The following MGAT4C variants were observed in gnomAD, a reference collection of about 807,000 sequenced individuals.
MGAT4C encodes the protein alpha-1,3-mannosyl-glycoprotein 4-beta-N-acetylglucosaminyltransferase C.
In MGAT4C, 19 loss-of-function variants were observed where a neutral mutation model predicts 40.1. The observed-to-expected ratio is 0.47, with a 90% CI of 0.33 to 0.70. The LOEUF is 0.70. MGAT4C is among the 30% of genes least tolerant of loss of function. The probability of loss-of-function intolerance (pLI) is 0.02; values close to 1 mark genes in which losing one functional copy is unlikely to be tolerated. For synonymous variants in MGAT4C, 181 were observed against 187.1 expected (o/e 0.97, Z 0.27); for missense variants, 491 against 563.2 (o/e 0.87, Z 1.30).
At chr12:86,112,168 G>T (rs1284362295) in intron 1 of MGAT4C, among the ~76,000 whole-genome samples, 1 of 151,620 alleles carries the variant, frequency 6.6e-6, no homozygotes, top group African/African-American at 2.4e-5. Flanking sequence ...AATAGTTATT[G>T]AAGTGAGATT....
At chr12:86,265,250 A>T (rs1278860006) in intron 4 of MGAT4C, among the ~76,000 whole-genome samples, 1 of 152,190 alleles carries the variant, frequency 6.6e-6, no homozygotes, top group East Asian at 1.9e-4. Context: ...GCAGCCTGCC[A>T]GGCCAAAACA....
chr12:86,587,842 T>C (rs1274323548), intron 2 of MGAT4C, among the ~76,000 whole-genome samples: 6 of 151,208 alleles, frequency 4.0e-5, no homozygotes, highest in African/African-American at 1.5e-4. Context: ...CTTTAGGAGA[T>C]TTTGGGCTGA....
chr12:86,699,714 A>G (rs1226719980), intron 2 of MGAT4C, among the ~76,000 whole-genome samples: 1 of 152,168 alleles, frequency 6.6e-6, no homozygotes, highest in African/African-American at 2.4e-5. Flanking sequence ...ATCATGTTAT[A>G]TACTATATTC....
chr12:86,305,448 A>G (rs1953911723), intron 4 of MGAT4C, among the ~76,000 whole-genome samples: 1 of 150,028 alleles, frequency 6.7e-6, no homozygotes, highest in Admixed American at 6.6e-5. Flanking sequence ...TCAAAGAAAA[A>G]AAAAAAAAAA....
chr12:86,628,290 C>T lies in MGAT4C; in HGVS notation c.-229+98919G>A, dbSNP rs185408501. ...ATTTGATTGGTGTACCTGAAAGTGA[C>T]GGGGAGAATGGAACTAAGCTGGAAA... On this transcript the variant is annotated intron_variant, in intron 2 of 7. Transcript: ENST00000548651. 1.2e-4 allele frequency among the ~76,000 whole-genome samples: 18 copies of T among 152,212 alleles called. No homozygotes were observed. The East Asian group carries it at 1.7e-3, about 15-fold the overall frequency.
At chr12:85,989,593 G>A in intron 2 of MGAT4C, 41 bp from the exon 3 acceptor site, 6 of 1,520,774 alleles carry the variant, frequency 3.9e-6, no homozygotes, top group Non-Finnish European at 5.3e-6. Flanking sequence ...GTTGGTTTTG[G>A]ATGCAAATAT....
intron 1 of MGAT4C, among the ~76,000 whole-genome samples, chr12:86,742,313 T>C (rs1348417805): frequency 1.3e-5 from 2 of 151,560 alleles, no homozygotes; most frequent in Non-Finnish European, 3.0e-5. Flanking sequence ...GCTTGCTGCA[T>C]GTTCAGTATT....
At chr12:86,811,569 C>T (rs1441440700) in intron 1 of MGAT4C, among the ~76,000 whole-genome samples, 1 of 150,874 alleles carries the variant, frequency 6.6e-6, no homozygotes, top group African/African-American at 2.4e-5. Flanking sequence ...CTTGAACTCT[C>T]GTCCTAAAGT....
chr12:86,560,250 A>G (rs1959799802), intron 2 of MGAT4C, among the ~76,000 whole-genome samples: 1 of 152,076 alleles, frequency 6.6e-6, no homozygotes, highest in African/African-American at 2.4e-5. Context: ...TTTGCCAACA[A>G]ATTGAAGATG....
intron 4 of MGAT4C, among the ~76,000 whole-genome samples, chr12:86,272,057 T>C (rs1952965083): frequency 6.6e-6 from 1 of 152,016 alleles, no homozygotes; most frequent in African/African-American, 2.4e-5. Flanking sequence ...TACAGCAAGA[T>C]AGAAGGAATA....
chr12:86,002,993 G>T (rs1275509393), intron 2 of MGAT4C, among the ~76,000 whole-genome samples: 6 of 152,048 alleles, frequency 3.9e-5, no homozygotes, highest in Non-Finnish European at 7.4e-5. Flanking sequence ...TAGAGATGGG[G>T]TCTCACCATG....
At chr12:86,580,581 G>A (rs189007693) in intron 2 of MGAT4C, among the ~76,000 whole-genome samples, 4 of 151,558 alleles carry the variant, frequency 2.6e-5, no homozygotes, top group East Asian at 3.9e-4. Flanking sequence ...AATTATGTCC[G>A]ATAGTCACAC....
chr12:86,814,813 T>C (rs561285566), intron 1 of MGAT4C, among the ~76,000 whole-genome samples: 26 of 152,164 alleles, frequency 1.7e-4, no homozygotes, highest in African/African-American at 5.8e-4. Context: ...AGAGAAAATG[T>C]GGCCTCTATG....
intron 1 of MGAT4C, among the ~76,000 whole-genome samples, chr12:86,151,804 C>T (rs1450519793): frequency 6.6e-6 from 1 of 152,196 alleles, no homozygotes; most frequent in East Asian, 1.9e-4. Flanking sequence ...ATGGCTTATG[C>T]CCTGGTTTAT....
At chr12:86,362,775 G>C (rs548524650) in intron 3 of MGAT4C, among the ~76,000 whole-genome samples, 1 of 149,600 alleles carries the variant, frequency 6.7e-6, no homozygotes, top group South Asian at 2.1e-4. Context: ...GCTGAGGCAG[G>C]AGAGTGGCGT....
At chr12:86,208,340 G>A (rs193253036) in intron 1 of MGAT4C, among the ~76,000 whole-genome samples, 4 of 152,196 alleles carry the variant, frequency 2.6e-5, no homozygotes, top group Non-Finnish European at 5.9e-5. Flanking sequence ...GGTGGCATGC[G>A]CCTGTAATCC....
At chr12:86,281,973 T>G (rs1268827359) in intron 4 of MGAT4C, among the ~76,000 whole-genome samples, 1 of 152,184 alleles carries the variant, frequency 6.6e-6, no homozygotes, top group Non-Finnish European at 1.5e-5. Flanking sequence ...TTCTTCCCTA[T>G]GTAAGTAGAA....
At chr12:86,410,501 G>A (rs1402186430) in intron 3 of MGAT4C, among the ~76,000 whole-genome samples, 9 of 152,038 alleles carry the variant, frequency 5.9e-5, no homozygotes, top group African/African-American at 1.9e-4. Flanking sequence ...CCACACAGGC[G>A]GTCAGACCTT....
intron 2 of MGAT4C, among the ~76,000 whole-genome samples, chr12:86,722,969 C>T (rs780353521): frequency 4.6e-5 from 7 of 152,172 alleles, no homozygotes; most frequent in Admixed American, 2.0e-4. Context: ...ACCCAGGTGT[C>T]GTCCTATTAA....
Sources: allele counts gnomAD v4.1 joint callset (sites outside exome capture counted in the v4.1 genomes callset), GRCh38; gene constraint gnomAD v4.1.1; transcripts MANE v1.5; gene names NCBI Gene and HGNC (gene_info 2026-07-23, HGNC 2026-07-21).